CCDC73: variants seen among roughly 807,000 people sequenced by gnomAD.
The protein encoded by CCDC73 is coiled-coil domain-containing protein 73.
A neutral mutation model predicts 116.5 loss-of-function variants in CCDC73; 95 were observed. The ratio of observed to expected loss-of-function variants is 0.82; its 90% CI spans 0.69 to 0.97. The LOEUF (loss-of-function observed/expected upper bound fraction) is 0.97. Among genes scored for constraint, CCDC73 ranks in the 50% least tolerant of loss-of-function variants. CCDC73 has a pLI of 0.00. For missense variants in CCDC73, 1,066 were observed against 1,206.8 expected, an observed-to-expected ratio of 0.88 and a Z score of 1.73; for synonymous variants, 398 against 401.3, an observed-to-expected ratio of 0.99 and a Z score of 0.10.
chr11:32,683,781 G>A (rs1181486884), intron 6 of CCDC73, among the ~76,000 whole-genome samples: 2 of 152,114 alleles, frequency 1.3e-5, no homozygotes, highest in African/African-American at 4.8e-5. Context: ...CAAAGTCCCT[G>A]CCCTTAAGAA....
intron 14 of CCDC73, among the ~76,000 whole-genome samples, chr11:32,624,151 G>C (rs2133230912): frequency 6.7e-6 from 1 of 150,202 alleles, no homozygotes; most frequent in South Asian, 2.1e-4. Flanking sequence ...GTCTAATAAG[G>C]TGAAACCCCA....
At chr11:32,634,498 T>C (rs1045341876) in intron 14 of CCDC73, among the ~76,000 whole-genome samples, 4 of 151,996 alleles carry the variant, frequency 2.6e-5, no homozygotes, top group East Asian at 3.9e-4. Context: ...AAACCAGATA[T>C]GAAAGGAAAC....
chr11:32,771,598 G>A (rs900076786), intron 1 of CCDC73, among the ~76,000 whole-genome samples: 7 of 152,202 alleles, frequency 4.6e-5, no homozygotes, highest in Non-Finnish European at 7.3e-5. Context: ...TCTGGATCAA[G>A]AGGAGCTACA....
intron 17 of CCDC73, 28 bp from the exon 18 acceptor site, chr11:32,603,048 C>G (rs747876038): frequency 7.9e-6 from 12 of 1,524,576 alleles, no homozygotes; most frequent in Non-Finnish European, 1.1e-5. Flanking sequence ...ATTTTACCTT[C>G]GAAATTATTA....
upstream of CCDC73, among the ~76,000 whole-genome samples, chr11:32,795,423 A>G (rs2133412494): frequency 6.6e-6 from 1 of 151,652 alleles, no homozygotes; most frequent in East Asian, 1.9e-4. Flanking sequence ...GTGACCCAAG[A>G]CTGCACCACT....
the CCDC73 span, among the ~76,000 whole-genome samples, chr11:32,812,646 G>A: frequency 5.3e-3 from 788 of 147,404 alleles, 7 homozygotes; most frequent in Non-Finnish European, 8.5e-3. Flanking sequence ...TCCAGCCTGG[G>A]CAACAAGAGT....
chr11:32,696,326 A>C (rs754033584), intron 6 of CCDC73, among the ~76,000 whole-genome samples: 3 of 152,198 alleles, frequency 2.0e-5, no homozygotes, highest in Non-Finnish European at 4.4e-5. Context: ...ACAGGGTACT[A>C]ATACAACATT....
At chr11:32,813,615 A>AT in the CCDC73 span, among the ~76,000 whole-genome samples, 4 of 152,136 alleles carry the variant, frequency 2.6e-5, no homozygotes, top group East Asian at 1.9e-4. Context: ...TGAGGACTGA[A>AT]TTTTTTCCCA....
chr11:32,806,642 A>G, the CCDC73 span, among the ~76,000 whole-genome samples: 262 of 151,648 alleles, frequency 1.7e-3, 2 homozygotes, highest in African/African-American at 5.7e-3. Context: ...AAAAAAAAAA[A>G]AAAGAAAGAA....
intron 1 of CCDC73, among the ~76,000 whole-genome samples, chr11:32,792,840 T>C (rs933032620): frequency 1.3e-5 from 2 of 152,220 alleles, no homozygotes; most frequent in African/African-American, 4.8e-5. Flanking sequence ...CTCTTTCCCA[T>C]GGTTTTCCCA....
intron 14 of CCDC73, among the ~76,000 whole-genome samples, chr11:32,633,962 G>A (rs1360831296): frequency 6.6e-6 from 1 of 151,942 alleles, no homozygotes; most frequent in Non-Finnish European, 1.5e-5. Flanking sequence ...CATTCACAGG[G>A]GTGCTATGTT....
intron 2 of CCDC73, among the ~76,000 whole-genome samples, chr11:32,738,509 G>C (rs1401726478): frequency 1.3e-5 from 2 of 151,964 alleles, no homozygotes. Flanking sequence ...CTTCTTTTGA[G>C]AAATATTCAG....
chr11:32,774,104 C>T (rs184836903), intron 1 of CCDC73, among the ~76,000 whole-genome samples: 72 of 152,246 alleles, frequency 4.7e-4, no homozygotes, highest in Non-Finnish European at 1.3e-4. Flanking sequence ...CATCCCTTTC[C>T]CTTGCTTTAT....
At chr11:32,736,981 T>C (rs1343079012) in intron 2 of CCDC73, among the ~76,000 whole-genome samples, 1 of 149,526 alleles carries the variant, frequency 6.7e-6, no homozygotes, top group Non-Finnish European at 1.5e-5. Context: ...TATACATATA[T>C]ATGTATATAT....
At chr11:32,622,896 G>GA (rs1855536032) in intron 14 of CCDC73, among the ~76,000 whole-genome samples, 1 of 151,868 alleles carries the variant, frequency 6.6e-6, no homozygotes, top group African/African-American at 2.4e-5. Flanking sequence ...AGAAGAAAAG[G>GA]AAAAGATAAC....
intron 3 of CCDC73, among the ~76,000 whole-genome samples, chr11:32,708,758 T>G (rs2133322935): frequency 6.6e-6 from 1 of 152,354 alleles, no homozygotes; most frequent in African/African-American, 2.4e-5. Flanking sequence ...TGTACATTAA[T>G]TTTGTATCCT....
intron 9 of CCDC73, among the ~76,000 whole-genome samples, chr11:32,668,328 G>C (rs1373224195): frequency 1.3e-5 from 2 of 151,922 alleles, no homozygotes; most frequent in Admixed American, 1.3e-4. Context: ...CTTTCCTATA[G>C]ACCATAAGCT....
chr11:32,607,080 ATTTTTTTTTTTT>A (rs759164050), intron 17 of CCDC73, among the ~76,000 whole-genome samples: 11 of 74,188 alleles, frequency 1.5e-4, no homozygotes, highest in South Asian at 1.1e-3. Context: ...CCAAAAATAA[ATTTTTTTTTTTT>A]TTTTTTTTTT....
intron 9 of CCDC73, among the ~76,000 whole-genome samples, chr11:32,667,948 G>A (rs569246382): frequency 3.3e-5 from 5 of 152,274 alleles, no homozygotes; most frequent in Admixed American, 6.5e-5. Context: ...GACAAAATTT[G>A]TCTGTGTTCC....
Sources: gnomAD v4.1 joint callset for allele counts (sites outside exome capture counted in the v4.1 genomes callset) on GRCh38, gnomAD v4.1.1 for gene constraint, MANE v1.5 for transcripts, NCBI Gene and HGNC (gene_info 2026-07-23, HGNC 2026-07-21) for gene names.